IDE: variants seen among roughly 807,000 people sequenced by gnomAD.
IDE encodes the protein insulin degrading enzyme, also known as insulin-degrading enzyme.
IDE carries 58 observed loss-of-function variants against 133.2 expected under a neutral mutation model. The ratio of observed to expected loss-of-function variants is 0.44; its 90% CI spans 0.35 to 0.54. The LOEUF is 0.54. Among genes scored for constraint, IDE ranks in the 20% least tolerant of loss-of-function variants. IDE has a pLI of 0.00. For synonymous variants in IDE, 396 were observed against 421.3 expected (o/e 0.94, Z 0.73); for missense variants, 981 against 1,234.0 (o/e 0.79, Z 3.07).
intron 11 of IDE, among the ~76,000 whole-genome samples, chr10:92,503,907 G>A (rs1001879222): frequency 9.2e-5 from 14 of 151,774 alleles, no homozygotes; most frequent in Non-Finnish European, 1.6e-4. Context: ...TATTAGAGAC[G>A]GGGTTTCTCC....
chr10:92,515,706 A>G (rs1442492802), intron 4 of IDE, among the ~76,000 whole-genome samples: 4 of 149,420 alleles, frequency 2.7e-5, no homozygotes, highest in African/African-American at 9.9e-5. Context: ...GATTACAGGC[A>G]TGCGCCACCA....
In IDE at chr10:92,456,400, T is replaced by C; in HGVS notation, c.2855A>G (p.His952Arg). Reference sequence around the variant, plus strand: ...GGCAAGAACATGGACGGATACCTTATGTCTCCTTGGAGCATCTACTGCCAA... The same window carrying C: ...GGCAAGAACATGGACGGATACCTTACGTCTCCTTGGAGCATCTACTGCCAA... ...EMLAVDAPRR[H>R]KVSVHVLARE... Residue 952 changes from histidine (H) to arginine (R), a missense_variant, in exon 23 of 25, where the codon CAT (histidine) becomes CGT (arginine). Around this residue, in one of 2 missense-constraint regions of IDE, gnomAD observed 660 missense variants for 894.7 expected, o/e 0.74. Coordinates refer to ENST00000265986, the MANE Select transcript of IDE (RefSeq NM_004969.4). 4 of 1,613,978 alleles carry C rather than the reference T, an allele frequency of 2.5e-6. No homozygotes were observed. The highest frequency in any genetic ancestry group is 2.5e-6 in the Non-Finnish European group (3 of 1,179,826).
intron 11 of IDE, among the ~76,000 whole-genome samples, chr10:92,499,741 C>T (rs544503071): frequency 7.9e-5 from 12 of 152,140 alleles, no homozygotes; most frequent in African/African-American, 2.2e-4. Context: ...AATGTGTTTT[C>T]GTTAGTGGTT....
chr10:92,475,371 GT>G (rs1411724566), intron 16 of IDE, among the ~76,000 whole-genome samples: 1 of 152,150 alleles, frequency 6.6e-6, no homozygotes, highest in African/African-American at 2.4e-5. Flanking sequence ...AAAACTGATG[GT>G]AGTTTCTTCT....
intron 18 of IDE, among the ~76,000 whole-genome samples, chr10:92,469,390 T>A (rs2135368020): frequency 6.6e-6 from 1 of 152,216 alleles, no homozygotes; most frequent in South Asian, 2.1e-4. Context: ...GGCATATTGT[T>A]CTGGAGGGGG....
intron 1 of IDE, among the ~76,000 whole-genome samples, chr10:92,543,885 AG>A (rs5787002): frequency 0.059 from 8,982 of 152,238 alleles, 910 homozygotes; most frequent in African/African-American, 0.2. Context: ...TTGGGTACCA[AG>A]GGTGTTTCAC....
intron 11 of IDE, among the ~76,000 whole-genome samples, chr10:92,499,628 C>A (rs866592913): frequency 4.9e-4 from 74 of 151,540 alleles, no homozygotes; most frequent in African/African-American, 1.8e-3. Flanking sequence ...GATGGGGTTT[C>A]ATCATGTTGC....
At chr10:92,488,636 G>A (rs1312810400) in intron 12 of IDE, among the ~76,000 whole-genome samples, 1 of 151,966 alleles carries the variant, frequency 6.6e-6, no homozygotes, top group Non-Finnish European at 1.5e-5. Context: ...AATTAGCCGG[G>A]TATGGTGGTG....
intron 23 of IDE, 40 bp from the exon 24 acceptor site, chr10:92,455,683 A>T: frequency 8.9e-7 from 1 of 1,120,694 alleles, no homozygotes; most frequent in Non-Finnish European, 1.3e-6. Flanking sequence ...GTACTTATTG[A>T]TACTATCACA....
chr10:92,491,923 T>C (rs1847375452), intron 11 of IDE, among the ~76,000 whole-genome samples: 1 of 152,100 alleles, frequency 6.6e-6, no homozygotes, highest in Non-Finnish European at 1.5e-5. Context: ...AAAGCTTTTT[T>C]TGATGCGACA....
chr10:92,534,749 C>G lies in IDE; in HGVS notation c.320G>C (p.Ser107Thr). 6.2e-7 allele frequency: 1 copy of G among 1,613,718 alleles called. No individual in the cohort carries two copies. The highest frequency in any genetic ancestry group is 8.5e-7 in the Non-Finnish European group (1 of 1,179,932). ...AAAAAGCATATGTTCACAAAAATGACTTAAGCCAGCAATATTTGGAGGATC... is the reference window on the plus strand; with the variant it reads ...AAAAAGCATATGTTCACAAAAATGAGTTAAGCCAGCAATATTTGGAGGATC... ...LSDPPNIAGL[S>T]HFCEHMLFLG... The change falls in exon 3 of 25, where the codon AGT (serine) becomes ACT (threonine). Residue 107 changes from serine to threonine, a missense_variant. Coordinates refer to ENST00000265986, the MANE Select transcript of IDE (RefSeq NM_004969.4).
Position 92,451,792 on chromosome 10 carries a change from T to G in IDE, c.*2652A>C, listed in dbSNP as rs1844754006. 1 of 152,162 alleles carries G rather than the reference T, an allele frequency of 6.6e-6. No homozygotes were observed. The highest frequency in any genetic ancestry group is 1.5e-5 in the Non-Finnish European group (1 of 68,042). The allele number at this position is 152,162 out of a possible 1,614,324, so 9.4% of individuals were successfully genotyped here. ...ACTGGCCACTATATGAGTAGAAAAA[T>G]TATTTTGACAGGGATCAAGAAGACA... On this transcript the variant is annotated 3_prime_UTR_variant, in exon 25 of 25. Transcript: ENST00000265986.
At chr10:92,532,062 A>G in intron 3 of IDE, 145 bp from the exon 4 acceptor site, 1 of 527,992 alleles carries the variant, frequency 1.9e-6, no homozygotes, top group Non-Finnish European at 3.2e-6. Context: ...AGAAAAAAGG[A>G]GTATAAAATA....
intron 18 of IDE, among the ~76,000 whole-genome samples, chr10:92,470,049 G>A (rs1845884856): frequency 6.6e-6 from 1 of 152,100 alleles, no homozygotes; most frequent in Non-Finnish European, 1.5e-5. Context: ...CAGCAGAGGA[G>A]GCAGCCATGA....
chr10:92,539,632 C>T (rs973057209), intron 1 of IDE, among the ~76,000 whole-genome samples: 10 of 151,868 alleles, frequency 6.6e-5, no homozygotes, highest in Non-Finnish European at 1.3e-4. Context: ...GGTGTGGTGG[C>T]GTGCACCTGT....
chr10:92,498,995 A>G (rs1182826460), intron 11 of IDE, among the ~76,000 whole-genome samples: 1 of 152,210 alleles, frequency 6.6e-6, no homozygotes, highest in Non-Finnish European at 1.5e-5. Flanking sequence ...AGGTACACTG[A>G]GGAAAATACA....
chr10:92,478,704 A>G, intron 15 of IDE: 2 of 1,282,658 alleles, frequency 1.6e-6, no homozygotes, highest in Non-Finnish European at 2.0e-6. Flanking sequence ...CGTGCTGCAT[A>G]TGTATACTCT....
At chr10:92,557,693 T>A (rs1426396706) in intron 1 of IDE, among the ~76,000 whole-genome samples, 3 of 151,766 alleles carry the variant, frequency 2.0e-5, no homozygotes, top group African/African-American at 7.3e-5. Context: ...AGTTCGAGAC[T>A]AGCCTGGCGA....
intron 1 of IDE, among the ~76,000 whole-genome samples, chr10:92,549,089 C>A (rs953229473): frequency 6.6e-6 from 1 of 152,004 alleles, no homozygotes; most frequent in African/African-American, 2.4e-5. Flanking sequence ...GAAACACTGT[C>A]TCTACTAAAA....
Sources: gnomAD v4.1 joint callset for allele counts (sites outside exome capture counted in the v4.1 genomes callset) on GRCh38, gnomAD v4.1.1 for gene constraint, gnomAD v4.1.1 regional missense constraint, MANE v1.5 for transcripts, NCBI Gene and HGNC (gene_info 2026-07-23, HGNC 2026-07-21) for gene names.